The following NCLN variants were observed in gnomAD, a reference collection of about 807,000 sequenced individuals.
NCLN encodes the protein BOS complex subunit NCLN.
Under a neutral mutation model 69.5 loss-of-function variants are expected in NCLN, and 34 were observed. The observed-to-expected ratio is 0.49, with a 90% confidence interval of 0.37 to 0.65. The LOEUF (loss-of-function observed/expected upper bound fraction) is 0.65. NCLN is among the 30% of genes least tolerant of loss of function. The pLI, the probability that NCLN is intolerant of heterozygous loss-of-function variation, is 0.00. For missense variants in NCLN, 710 were observed against 804.8 expected (o/e 0.88, Z 1.42); for synonymous variants, 393 against 358.3 (o/e 1.10, Z -1.09).
intron 1 of NCLN, among the ~76,000 whole-genome samples, chr19:3,191,064 G>A (rs560351410): frequency 6.6e-6 from 1 of 150,486 alleles, no homozygotes; most frequent in Admixed American, 6.6e-5. Context: ...GGAGATCGTC[G>A]CGGTGTGTGG....
In NCLN at chr19:3,193,311, C is replaced by T; in HGVS notation, c.403C>T (p.Leu135=). The T allele has an allele frequency of 6.2e-7, 1 of 1,612,886 alleles. No homozygotes were observed. ...ATTCATGGAGATCGAGCCGGAGATGCTGGCCATGGAGACCGCCGTCCCCGT... is the reference window on the plus strand; with the variant it reads ...ATTCATGGAGATCGAGCCGGAGATGTTGGCCATGGAGACCGCCGTCCCCGT... ...RQFMEIEPEM[L]AMETAVPVYF... is the part of the protein sequence containing the mutation. Residue 135 remains leucine, a synonymous_variant, in exon 3 of 15, where the codon CTG becomes TTG. Transcript: ENST00000246117.
intron 3 of NCLN, among the ~76,000 whole-genome samples, chr19:3,194,255 T>C (rs907059942): frequency 2.6e-5 from 4 of 152,130 alleles, no homozygotes; most frequent in African/African-American, 9.7e-5. Context: ...CGGTGGCAGG[T>C]GCCTGTAATT....
chr19:3,189,594 C>A (rs1421755340), intron 1 of NCLN, among the ~76,000 whole-genome samples: 1 of 152,266 alleles, frequency 6.6e-6, no homozygotes, highest in Non-Finnish European at 1.5e-5. Context: ...GGTGACTTCT[C>A]TCAGGATGCC....
At chr19:3,187,561 T>TA (rs1915702514) in intron 1 of NCLN, among the ~76,000 whole-genome samples, 2 of 152,272 alleles carry the variant, frequency 1.3e-5, no homozygotes, top group East Asian at 1.9e-4. Context: ...GCCCCAGAGT[T>TA]ACGATTTTTT....
Position 3,192,609 on chromosome 19 carries a change from G to T in NCLN, c.324G>T (p.Val108=), listed in dbSNP as rs370921948. Residue 108 remains valine (V), a synonymous_variant, in exon 2 of 15, where the codon GTG becomes GTT. Transcript: ENST00000246117. ...QKALRQSAGA[V]VIILPRAMAA... Reference sequence around the variant, plus strand: ...CCCTGCGGCAGTCGGCGGGCGCCGTGGTCATCATCCTGCCCAGGGCCATGG... The same window carrying T: ...CCCTGCGGCAGTCGGCGGGCGCCGTTGTCATCATCCTGCCCAGGGCCATGG... The T allele has an allele frequency of 6.2e-6, 10 of 1,603,482 alleles. No homozygotes were observed. Among genetic ancestry groups the T allele is most frequent in the Non-Finnish European group, 7.7e-6 (9 of 1,174,678 alleles).
chr19:3,202,843 C>T (rs1294620543), intron 6 of NCLN, among the ~76,000 whole-genome samples: 1 of 151,994 alleles, frequency 6.6e-6, no homozygotes, highest in Non-Finnish European at 1.5e-5. Flanking sequence ...GTGAACGGGG[C>T]TGGTTTCTGC....
At chr19:3,203,621 C>A in intron 6 of NCLN, 135 bp from the exon 7 acceptor site, 1 of 755,086 alleles carries the variant, frequency 1.3e-6, no homozygotes. Flanking sequence ...TCATGCCCCG[C>A]CCTAAGGGGC....
At chr19:3,191,659 CT>C (rs1314306770) in intron 1 of NCLN, among the ~76,000 whole-genome samples, 1 of 152,240 alleles carries the variant, frequency 6.6e-6, no homozygotes, top group African/African-American at 2.4e-5. Flanking sequence ...CCAGCCTGCC[CT>C]TGGCCTATTT....
chr19:3,186,885 A>G (rs919543215), intron 1 of NCLN, among the ~76,000 whole-genome samples: 2 of 150,504 alleles, frequency 1.3e-5, no homozygotes, highest in African/African-American at 4.9e-5. Flanking sequence ...TTCTCGCTCT[A>G]GTCACCGGCC....
intron 3 of NCLN, among the ~76,000 whole-genome samples, chr19:3,194,272 A>G (rs568249139): frequency 8.5e-5 from 13 of 152,292 alleles, no homozygotes; most frequent in South Asian, 2.1e-4. Context: ...AATTCCAGCA[A>G]CTTGGGAGGC....
In NCLN at chr19:3,185,979, C is replaced by T. The variant is rs1251262912; in HGVS notation, c.-52C>T. The T allele has an allele frequency of 5.8e-5, 79 of 1,364,854 alleles. No individual in the cohort carries two copies. The highest frequency in any genetic ancestry group is 6.8e-5 in the Non-Finnish European group (72 of 1,056,744). 84.5% of individuals were successfully genotyped at this position (1,364,854 alleles called of 1,614,324 possible). A position where few individuals can be genotyped will look rare whatever the true frequency, so the allele number is the denominator to read the frequency against. ...GAGGTGAGTCCGCGGGAGCCGCCGC[C>T]GCCGCCGTCCCGTCCCAGCTGCCGC... On this transcript the variant is annotated 5_prime_UTR_variant, in exon 1 of 15. Transcript: ENST00000246117.
In NCLN at chr19:3,208,883, G is replaced by C. The variant is rs1297320220; in HGVS notation, c.*1195G>C. ...CTTGGACAGAACCCTCCACCCCGCAGACCAGGCGTCGTGTGTGTGTGGGAG... is the reference window on the plus strand; with the variant it reads ...CTTGGACAGAACCCTCCACCCCGCACACCAGGCGTCGTGTGTGTGTGGGAG... On this transcript the variant is annotated 3_prime_UTR_variant, in exon 15 of 15. Coordinates refer to ENST00000246117, the MANE Select transcript of NCLN (RefSeq NM_020170.4). 1.3e-5 allele frequency: 2 copies of C among 152,504 alleles called. No homozygotes were observed. The highest frequency in any genetic ancestry group is 6.5e-5 in the Admixed American group (1 of 15,284). 9.4% of individuals were successfully genotyped at this position (152,504 alleles called of 1,614,324 possible). A position where few individuals can be genotyped will look rare whatever the true frequency, so the allele number is the denominator to read the frequency against.
In NCLN at chr19:3,207,768, C is replaced by A. The variant is rs770768369; in HGVS notation, c.*80C>A. The A allele has an allele frequency of 2.3e-6, 3 of 1,306,306 alleles. No individual in the cohort carries two copies. Among genetic ancestry groups the A allele is most frequent in the East Asian group, 2.3e-5 (1 of 42,934 alleles). The allele number at this position is 1,306,306 out of a possible 1,614,324, so 80.9% of individuals were successfully genotyped here. On this transcript the variant is annotated 3_prime_UTR_variant, in exon 15 of 15. Transcript: ENST00000246117. ...CACGAGTGAGTGGACACTGCCCCGC[C>A]GCGGGCGGCCCTGCAGGGACAGGGG...
chr19:3,198,967 CAA>C (rs1378942462), intron 5 of NCLN, 70 bp downstream of exon 5: 2 of 1,163,210 alleles, frequency 1.7e-6, no homozygotes, highest in African/African-American at 3.2e-5. Context: ...AGTGCCGAGG[CAA>C]AGCGCCTGTA....
At chr19:3,199,074 G>A (rs912147997) in intron 5 of NCLN, among the ~76,000 whole-genome samples, 177 bp downstream of exon 5, 1 of 152,188 alleles carries the variant, frequency 6.6e-6, no homozygotes, top group African/African-American at 2.4e-5. Flanking sequence ...TCGTGGGGCT[G>A]AAACAGGCCC....
chr19:3,192,870 G>T (rs976206162), intron 2 of NCLN, among the ~76,000 whole-genome samples: 20 of 152,154 alleles, frequency 1.3e-4, no homozygotes, highest in African/African-American at 4.8e-4. Flanking sequence ...GGGCCGCTCC[G>T]GGCGTGGAGT....
chr19:3,206,910 C>T (rs545709681), intron 12 of NCLN, among the ~76,000 whole-genome samples: 3 of 152,324 alleles, frequency 2.0e-5, no homozygotes, highest in African/African-American at 7.2e-5. Flanking sequence ...CAGCCTCCAT[C>T]TCCCGGCTTC....
chr19:3,197,951 T>C, intron 4 of NCLN, among the ~76,000 whole-genome samples: 1 of 152,156 alleles, frequency 6.6e-6, no homozygotes, highest in Admixed American at 6.5e-5. Context: ...CACACAGCCA[T>C]GCTGATGCAT....
chr19:3,191,046 G>A (rs1915810398), intron 1 of NCLN, among the ~76,000 whole-genome samples: 1 of 146,124 alleles, frequency 6.8e-6, no homozygotes, highest in Non-Finnish European at 1.5e-5. Context: ...GTGCGTGGCG[G>A]GCAGCAGGGA....
Sources: allele counts gnomAD v4.1 joint callset (sites outside exome capture counted in the v4.1 genomes callset), GRCh38; gene constraint gnomAD v4.1.1; transcripts MANE v1.5; gene names NCBI Gene and HGNC (gene_info 2026-07-23, HGNC 2026-07-21).